Variants in STAG1 observed in about 807,000 individuals in gnomAD.
STAG1 encodes STAG1 cohesin complex component.
STAG1 carries 26 observed loss-of-function variants against 170.9 expected under a neutral mutation model. The observed-to-expected ratio is 0.15, with a 90% CI of 0.11 to 0.21. STAG1 has a LOEUF of 0.21. Among genes scored for constraint, STAG1 ranks in the 10% least tolerant of loss-of-function variants. The pLI, the probability that STAG1 is intolerant of heterozygous loss-of-function variation, is 1.00. For synonymous variants in STAG1, 514 were observed against 497.7 expected, an observed-to-expected ratio of 1.03 and a Z score of -0.44; for missense variants, 964 against 1,509.5, an observed-to-expected ratio of 0.64 and a Z score of 5.99.
intron 27 of STAG1, among the ~76,000 whole-genome samples, chr3:136,358,207 CCCGAGTAGCTGGG>C (rs944670205): frequency 3.9e-5 from 6 of 151,912 alleles, no homozygotes; most frequent in South Asian, 2.1e-4. Context: ...ACCTCAGCCT[CCCGAGTAGCTGGG>C]ACTACACGTG....
chr3:136,485,935 C>T (rs988000521), intron 9 of STAG1, among the ~76,000 whole-genome samples: 1 of 151,992 alleles, frequency 6.6e-6, no homozygotes, highest in African/African-American at 2.4e-5. Flanking sequence ...AAGTTGTTTC[C>T]AAGGTTTTGC....
At chr3:136,629,596 G>A (rs569355717) in intron 2 of STAG1, among the ~76,000 whole-genome samples, 4 of 151,858 alleles carry the variant, frequency 2.6e-5, no homozygotes, top group Middle Eastern at 3.4e-3. Context: ...AAGGACAGGA[G>A]GACAGTATTG....
chr3:136,729,279 T>C (rs901194217), intron 1 of STAG1, among the ~76,000 whole-genome samples: 7 of 152,160 alleles, frequency 4.6e-5, no homozygotes, highest in African/African-American at 1.7e-4. Context: ...GTGTTGGGAT[T>C]ACAAGAGTGA....
In STAG1 at chr3:136,435,999, C is replaced by T. The variant is rs538253236; in HGVS notation, c.1547-2340G>A. Among the ~76,000 whole-genome samples the T allele has an allele frequency of 1.7e-3, 254 of 152,166 alleles. 1 individual carries two copies. The highest frequency in any genetic ancestry group is 5.1e-3 in the African/African-American group (213 of 41,494). On this transcript the variant is annotated intron_variant, in intron 15 of 33. Coordinates refer to ENST00000383202, the MANE Select transcript of STAG1 (RefSeq NM_005862.3). ...TTTTGAGACAGTCTTGCTCCATCGCCCAGGCCAGAAGGCAATGGCGTGATC... is the reference window on the plus strand; with the variant it reads ...TTTTGAGACAGTCTTGCTCCATCGCTCAGGCCAGAAGGCAATGGCGTGATC...
intron 6 of STAG1, among the ~76,000 whole-genome samples, chr3:136,533,958 A>C (rs1056676122): frequency 9.2e-5 from 14 of 152,210 alleles, no homozygotes; most frequent in Non-Finnish European, 1.9e-4. Context: ...CAAATGAACG[A>C]AACAAAACAA....
chr3:136,448,840 G>C (rs566789495), intron 14 of STAG1, among the ~76,000 whole-genome samples: 94 of 152,194 alleles, frequency 6.2e-4, no homozygotes, highest in African/African-American at 2.2e-3. Context: ...TCGGGAGGCT[G>C]AGACAGGAGA....
chr3:136,467,175 A>T (rs897208369), intron 12 of STAG1, among the ~76,000 whole-genome samples: 1 of 152,230 alleles, frequency 6.6e-6, no homozygotes, highest in Non-Finnish European at 1.5e-5. Context: ...CCTTAAATGT[A>T]AATGGGCTAA....
Position 136,441,649 on chromosome 3 carries a change from C to T in STAG1, c.1546+1638G>A, listed in dbSNP as rs184487655. ...GAAGGAACACTGGGGGATGCTCACT[C>T]TCCCGGTAATCTGCATGGGTAGTCT... is the stretch of plus-strand genomic sequence containing the variant. On this transcript the variant is annotated intron_variant, in intron 15 of 33. Coordinates refer to ENST00000383202, the MANE Select transcript of STAG1 (RefSeq NM_005862.3). Among the ~76,000 whole-genome samples the T allele has an allele frequency of 2.4e-4, 37 of 152,282 alleles. No individual in the cohort carries two copies. In the East Asian group the frequency reaches 4.8e-3, roughly 20 times the overall value.
chr3:136,361,833 A>T (rs922974170), intron 26 of STAG1, among the ~76,000 whole-genome samples: 27 of 152,056 alleles, frequency 1.8e-4, no homozygotes, highest in Non-Finnish European at 3.8e-4. Context: ...GCTGGTCTTG[A>T]ATTCATGGGC....
intron 6 of STAG1, among the ~76,000 whole-genome samples, chr3:136,530,959 G>C (rs1935337829): frequency 6.6e-6 from 1 of 152,044 alleles, no homozygotes; most frequent in Non-Finnish European, 1.5e-5. Context: ...ACAAAAATTA[G>C]CTGGGTGTGG....
In STAG1 at chr3:136,674,161, GGGAGGGAGGGAA is replaced by G. The variant is rs1292071268; in HGVS notation, c.-83-43192_-83-43181del. Reference sequence around the variant, plus strand: ...AAGGAAGGAGGGAGGGAGAGAGGGAGGGAGGGAGGGAAGGAGGGAGGGAGGGAGGGAAGGAGG... The same window carrying G: ...AAGGAAGGAGGGAGGGAGAGAGGGAGGGAGGGAGGGAGGGAGGGAAGGAGG... On this transcript the variant is annotated intron_variant, in intron 1 of 33. Transcript: ENST00000383202. 2.1e-4 allele frequency among the ~76,000 whole-genome samples: 9 copies of G among 43,412 alleles called. 1 individual carries two copies. Among genetic ancestry groups the G allele is most frequent in the Non-Finnish European group, 4.9e-4 (9 of 18,534 alleles). The allele number at this position is 43,412 out of a possible 152,430, so 28.5% of individuals were successfully genotyped here. A position where few individuals can be genotyped will look rare whatever the true frequency, so the allele number is the denominator to read the frequency against.
intron 1 of STAG1, among the ~76,000 whole-genome samples, chr3:136,710,623 C>T (rs577224988): frequency 6.6e-6 from 1 of 152,194 alleles, no homozygotes; most frequent in Non-Finnish European, 1.5e-5. Context: ...TATAGCCCCT[C>T]CCCCCTCCAA....
At chr3:136,345,621 T>C (rs1186345928) in intron 29 of STAG1, among the ~76,000 whole-genome samples, 1 of 152,164 alleles carries the variant, frequency 6.6e-6, no homozygotes, top group Non-Finnish European at 1.5e-5. Flanking sequence ...TAAATTATTC[T>C]AATATGATAA....
At chr3:136,569,205 C>G (rs1418768329) in intron 4 of STAG1, among the ~76,000 whole-genome samples, 1 of 151,902 alleles carries the variant, frequency 6.6e-6, no homozygotes, top group Non-Finnish European at 1.5e-5. Context: ...CAGATACAAA[C>G]TTTCTGAGTT....
chr3:136,619,401 T>C (rs1939741148), intron 3 of STAG1, among the ~76,000 whole-genome samples: 1 of 151,232 alleles, frequency 6.6e-6, no homozygotes, highest in South Asian at 2.1e-4. Flanking sequence ...AAATGTATGT[T>C]ACGTTAGCGC....
chr3:136,548,724 T>A (rs2107735022), intron 5 of STAG1, among the ~76,000 whole-genome samples: 1 of 152,272 alleles, frequency 6.6e-6, no homozygotes, highest in Non-Finnish European at 1.5e-5. Context: ...TTTCAGTGAG[T>A]CTTTTACCTC....
chr3:136,490,204 T>A (rs2090097919), intron 9 of STAG1, among the ~76,000 whole-genome samples: 1 of 149,974 alleles, frequency 6.7e-6, no homozygotes, highest in African/African-American at 2.4e-5. Flanking sequence ...TCACACCCCT[T>A]TTTTTTTTGT....
At chr3:136,511,820 T>C (rs1178681110) in intron 7 of STAG1, among the ~76,000 whole-genome samples, 2 of 152,124 alleles carry the variant, frequency 1.3e-5, no homozygotes, top group Admixed American at 1.3e-4. Flanking sequence ...AAATCAATTT[T>C]CATCTTCAAC....
At chr3:136,430,806 GACACACACACACACACACACAC>G (rs35492621) in intron 16 of STAG1, among the ~76,000 whole-genome samples, 17 of 131,104 alleles carry the variant, frequency 1.3e-4, no homozygotes, top group South Asian at 2.6e-4. Context: ...GACATAGACA[GACACACACACACACACACACAC>G]ACACACACAC....
Sources: allele counts gnomAD v4.1 joint callset (sites outside exome capture counted in the v4.1 genomes callset), GRCh38; gene constraint gnomAD v4.1.1; transcripts MANE v1.5; gene names NCBI Gene and HGNC (gene_info 2026-07-23, HGNC 2026-07-21).